Variants in CELF2 observed in about 807,000 individuals in gnomAD.
CELF2 encodes the protein CUG triplet repeat RNA-binding protein 2.
Under a neutral mutation model 62.6 loss-of-function variants are expected in CELF2, and 8 were observed. The ratio of observed to expected loss-of-function variants is 0.13; its 90% CI spans 0.07 to 0.23. The LOEUF is 0.23. CELF2 is among the 10% of genes least tolerant of loss of function. CELF2 has a pLI of 1.00. For missense variants in CELF2, 333 were observed against 671.0 expected (o/e 0.50, Z 5.56); for synonymous variants, 258 against 250.0 (o/e 1.03, Z -0.30).
intron 1 of CELF2, among the ~76,000 whole-genome samples, chr10:10,877,725 T>TGAGATG (rs746911466): frequency 4.5e-4 from 69 of 152,238 alleles, no homozygotes; most frequent in Non-Finnish European, 7.1e-4. Flanking sequence ...AGATAATGAG[T>TGAGATG]GAGATGGACG....
chr10:10,639,417 C>A, the CELF2 span, among the ~76,000 whole-genome samples: 1 of 152,136 alleles, frequency 6.6e-6, no homozygotes, highest in Admixed American at 6.5e-5. Context: ...ATGTTTCTAT[C>A]TTTTAAAATA....
At chr10:11,183,901 AAGC>A (rs2074162256) in intron 2 of CELF2, among the ~76,000 whole-genome samples, 1 of 152,198 alleles carries the variant, frequency 6.6e-6, no homozygotes, top group Non-Finnish European at 1.5e-5. Flanking sequence ...ATTTTTTAAA[AAGC>A]AGTTTCTAAT....
At chr10:10,608,682 A>G in the CELF2 span, among the ~76,000 whole-genome samples, 1 of 152,158 alleles carries the variant, frequency 6.6e-6, no homozygotes, top group Non-Finnish European at 1.5e-5. Flanking sequence ...TATAATCTAT[A>G]CATTTCCAGC....
chr10:10,619,798 G>T, the CELF2 span, among the ~76,000 whole-genome samples: 29 of 152,282 alleles, frequency 1.9e-4, no homozygotes, highest in African/African-American at 6.0e-4. Flanking sequence ...GAGACCCCAT[G>T]GGCTTACATA....
At chr10:10,619,666 C>A in the CELF2 span, among the ~76,000 whole-genome samples, 1 of 152,138 alleles carries the variant, frequency 6.6e-6, no homozygotes, top group South Asian at 2.1e-4. Flanking sequence ...CAGGGCTGTG[C>A]GCTGATGGGA....
the CELF2 span, among the ~76,000 whole-genome samples, chr10:10,719,162 G>A: frequency 3.3e-5 from 5 of 151,808 alleles, no homozygotes; most frequent in Non-Finnish European, 2.9e-5. Flanking sequence ...ATTTCACCAC[G>A]TTGGCTAGGC....
chr10:10,603,845 A>G, the CELF2 span, among the ~76,000 whole-genome samples: 1 of 152,064 alleles, frequency 6.6e-6, no homozygotes, highest in Non-Finnish European at 1.5e-5. Flanking sequence ...TTATAAAATT[A>G]ATACTATTCA....
chr10:11,279,914 T>C (rs2087694745), intron 8 of CELF2, among the ~76,000 whole-genome samples: 1 of 152,244 alleles, frequency 6.6e-6, no homozygotes, highest in Non-Finnish European at 1.5e-5. Context: ...TAAAACTTAC[T>C]GAAATGTTTT....
At chr10:11,129,729 G>T (rs562721424) in intron 1 of CELF2, among the ~76,000 whole-genome samples, 10 of 152,124 alleles carry the variant, frequency 6.6e-5, no homozygotes, top group South Asian at 2.1e-4. Flanking sequence ...TGATATCCCC[G>T]TTATCATTTT....
chr10:11,257,579 G>T (rs1416014495), intron 4 of CELF2, 159 bp from the exon 5 acceptor site: 1 of 651,618 alleles, frequency 1.5e-6, no homozygotes, highest in Non-Finnish European at 2.6e-6. Context: ...AGGGTGGGGC[G>T]CATGGAGGGA....
the CELF2 span, among the ~76,000 whole-genome samples, chr10:10,640,970 A>G: frequency 1.2e-4 from 19 of 152,146 alleles, no homozygotes; most frequent in Non-Finnish European, 2.8e-4. Flanking sequence ...TGTACTGGCT[A>G]TAAGTCAATG....
At chr10:10,577,967 A>T in the CELF2 span, among the ~76,000 whole-genome samples, 16 of 152,082 alleles carry the variant, frequency 1.1e-4, no homozygotes, top group African/African-American at 3.9e-4. Flanking sequence ...CTAGTTTACA[A>T]TCCCACCAAC....
chr10:11,141,055 A>G (rs988115020), intron 1 of CELF2, among the ~76,000 whole-genome samples: 1 of 152,208 alleles, frequency 6.6e-6, no homozygotes, highest in African/African-American at 2.4e-5. Context: ...GTGTATTCGT[A>G]GAGTCATTCA....
chr10:10,674,049 C>G, the CELF2 span, among the ~76,000 whole-genome samples: 1 of 152,138 alleles, frequency 6.6e-6, no homozygotes, highest in African/African-American at 2.4e-5. Flanking sequence ...AGTTGATTGA[C>G]AGTATTGTTG....
intron 5 of CELF2, among the ~76,000 whole-genome samples, chr10:11,263,673 G>C (rs186137819): frequency 6.6e-6 from 1 of 152,338 alleles, no homozygotes; most frequent in Non-Finnish European, 1.5e-5. Flanking sequence ...TGGTTGGCTT[G>C]AGAGAAAAAG....
chr10:11,165,225 T>G lies in CELF2; in HGVS notation c.75-261T>G. 1 of 1,314,136 alleles carries G rather than the reference T, an allele frequency of 7.6e-7. No individual in the cohort carries two copies. The highest frequency in any genetic ancestry group is 3.6e-5 in the Admixed American group (1 of 27,662). The allele number at this position is 1,314,136 out of a possible 1,614,324, so 81.4% of individuals were successfully genotyped here. ...GCCTCCAAGATGTCCACGCCCTGGG[T>G]GACAGGCGGCAGGGCGCTGCCCCGT... On this transcript the variant is annotated intron_variant, in intron 1 of 12. Transcript: ENST00000633077. This position sits in a 1 kb window ranked among gnomAD's most constrained non-coding sequence, Gnocchi z 7.4.
the CELF2 span, among the ~76,000 whole-genome samples, chr10:10,510,167 T>A: frequency 2.0e-5 from 3 of 152,238 alleles, no homozygotes; most frequent in African/African-American, 7.2e-5. Flanking sequence ...GGCTTCATTT[T>A]AGTGATGATC....
rs558445880 is a variant in CELF2, at chr10:11,297,936, C to T, written c.976+9384C>T. 2.2e-4 allele frequency among the ~76,000 whole-genome samples: 33 copies of T among 152,200 alleles called. No individual in the cohort carries two copies. The highest frequency in any genetic ancestry group is 4.4e-4 in the Non-Finnish European group (30 of 68,046). The stretch of plus-strand genomic sequence containing the variant: ...GGCAGAGGTTGCAGTGAGCCGAGAT[C>T]ACGTCACTGCACTCCAGCCCAGGTG... On this transcript the variant is annotated intron_variant, in intron 9 of 12. Coordinates refer to ENST00000633077, the MANE Select transcript of CELF2 (RefSeq NM_001326342.2). The surrounding 1 kb of genome is among the most constrained non-coding windows in gnomAD (Gnocchi z 4.4).
intron 1 of CELF2, among the ~76,000 whole-genome samples, chr10:10,884,850 T>C (rs2061655850): frequency 6.6e-6 from 1 of 152,232 alleles, no homozygotes; most frequent in African/African-American, 2.4e-5. Flanking sequence ...GTGATTATTC[T>C]GTGTACATGC....
Sources: allele counts gnomAD v4.1 joint callset (sites outside exome capture counted in the v4.1 genomes callset), GRCh38; gene constraint gnomAD v4.1.1; non-coding constraint Gnocchi (gnomAD v3.1); transcripts MANE v1.5; gene names NCBI Gene and HGNC (gene_info 2026-07-23, HGNC 2026-07-21).